Variants in ERMP1 observed in about 807,000 individuals in gnomAD.
The protein encoded by ERMP1 is endoplasmic reticulum metallopeptidase 1.
A neutral mutation model predicts 92.0 loss-of-function variants in ERMP1; 86 were observed. That is an observed-to-expected ratio of 0.93 (90% CI 0.79 to 1.12). The LOEUF is 1.12. Among genes scored for constraint, ERMP1 ranks in the 50% most tolerant of loss-of-function variants. The pLI, the probability that ERMP1 is intolerant of heterozygous loss-of-function variation, is 0.00. For missense variants in ERMP1, 1,342 were observed against 1,116.3 expected, an observed-to-expected ratio of 1.20 and a Z score of -2.88; for synonymous variants, 530 against 412.8, an observed-to-expected ratio of 1.28 and a Z score of -3.44.
intron 4 of ERMP1, among the ~76,000 whole-genome samples, chr9:5,817,163 G>T (rs1586805512): frequency 6.6e-6 from 1 of 152,004 alleles, no homozygotes; most frequent in East Asian, 1.9e-4. Flanking sequence ...CTCCCAAAGT[G>T]CTGGGATTAC....
chr9:5,816,260 G>A (rs1480765326), intron 4 of ERMP1, among the ~76,000 whole-genome samples: 1 of 152,088 alleles, frequency 6.6e-6, no homozygotes, highest in Non-Finnish European at 1.5e-5. Context: ...GGAACAACTG[G>A]AAAAATCTGA....
intron 4 of ERMP1, among the ~76,000 whole-genome samples, chr9:5,817,712 G>A (rs767286070): frequency 6.6e-6 from 1 of 151,804 alleles, no homozygotes; most frequent in Non-Finnish European, 1.5e-5. Flanking sequence ...GTAACGTTCA[G>A]AGGAGGTAGG....
chr9:5,788,993 A>G (rs1332109526), intron 13 of ERMP1, among the ~76,000 whole-genome samples: 1 of 152,214 alleles, frequency 6.6e-6, no homozygotes, highest in Non-Finnish European at 1.5e-5. Context: ...AATGGGAAAA[A>G]GCAAAGTAAA....
chr9:5,854,613 C>T (rs1209556754), intron 6 of ERMP1, among the ~76,000 whole-genome samples: 1 of 152,178 alleles, frequency 6.6e-6, no homozygotes, highest in Non-Finnish European at 1.5e-5. Context: ...CTCACTATAA[C>T]CTTCACCTCC....
chr9:5,801,428 C>T, intron 10 of ERMP1, 100 bp from the exon 11 acceptor site: 1 of 1,166,996 alleles, frequency 8.6e-7, no homozygotes, highest in Non-Finnish European at 1.2e-6. Context: ...ACCTAACAGC[C>T]CCTGAAGAAA....
At chr9:5,856,582 A>T (rs1357753661) in intron 6 of ERMP1, among the ~76,000 whole-genome samples, 2 of 152,264 alleles carry the variant, frequency 1.3e-5, no homozygotes, top group South Asian at 4.2e-4. Context: ...CTTTTAAGAC[A>T]ACCCCTCCCC....
Position 5,798,831 on chromosome 9 carries a change from A to T in ERMP1, c.2245T>A (p.Tyr749Asn). 6.2e-7 allele frequency: 1 copy of T among 1,613,780 alleles called. No homozygotes were observed. The highest frequency in any genetic ancestry group is 8.5e-7 in the Non-Finnish European group (1 of 1,179,720). The change falls in exon 12 of 15, where the codon TAT (tyrosine) becomes AAT (asparagine). Residue 749 changes from tyrosine (Y) to asparagine (N), a missense_variant. Physicochemically the swap from Tyr to Asn is moderately radical, Grantham distance 143. Transcript: ENST00000339450. ...ENAPLCGFPW[Y>N]LPVHFLIRKN... is the part of the protein sequence containing the mutation. ...CTGATCAGAAAGTGCACTGGAAGAT[A>T]CCAAGGAAAACCACAAAGAGGTGCA... is the stretch of plus-strand genomic sequence containing the variant.
intron 13 of ERMP1, among the ~76,000 whole-genome samples, chr9:5,797,552 G>A (rs1828481046): frequency 6.6e-6 from 1 of 151,658 alleles, no homozygotes; most frequent in Non-Finnish European, 1.5e-5. Flanking sequence ...GGAGGCTGAG[G>A]CAGGAGAATC....
Position 5,805,021 on chromosome 9 carries a change from T to G in ERMP1, c.1914+6A>C. On this transcript the variant is annotated splice_donor_region_variant and intron_variant, in intron 10 of 14. Transcript: ENST00000339450. The stretch of plus-strand genomic sequence containing the variant: ...AAGAAAAAGAAAAAAACTTATTTTC[T>G]CTTACAAAATAGGACGAGAGAATCA... The G allele has an allele frequency of 1.3e-6, 2 of 1,587,042 alleles. No individual in the cohort carries two copies. The highest frequency in any genetic ancestry group is 1.7e-6 in the Non-Finnish European group (2 of 1,172,376).
In ERMP1 at chr9:5,831,180, T is replaced by G. The variant is rs890810297; in HGVS notation, c.339-152A>C. The G allele has an allele frequency of 2.3e-5, 14 of 616,030 alleles. No individual in the cohort carries two copies. The African/African-American group carries it at 2.4e-4, about 11-fold the overall frequency. The allele number at this position is 616,030 out of a possible 1,614,324, so 38.2% of individuals were successfully genotyped here. On this transcript the variant is annotated intron_variant, in intron 1 of 14. Transcript: ENST00000339450. ...GCCTTTCATTATTTCAGACACCAAG[T>G]GAACATCACTTATAAAGTTCCATAT...
At chr9:5,817,653 T>G (rs35484290) in intron 4 of ERMP1, among the ~76,000 whole-genome samples, 53,317 of 152,064 alleles carry the variant, frequency 0.35, 10,048 homozygotes, top group East Asian at 0.6. Context: ...GTGTGTTCAT[T>G]TCTCAAGAAT....
upstream of ERMP1, among the ~76,000 whole-genome samples, chr9:5,833,710 C>G (rs1830042430): frequency 6.6e-6 from 1 of 152,116 alleles, no homozygotes; most frequent in Non-Finnish European, 1.5e-5. Context: ...TATCTTTGTT[C>G]CCATTTTATA....
intron 11 of ERMP1, among the ~76,000 whole-genome samples, chr9:5,799,464 C>A (rs926941844): frequency 1.3e-5 from 2 of 152,054 alleles, no homozygotes; most frequent in African/African-American, 4.8e-5. Flanking sequence ...AGGCACCGTG[C>A]TCCATTTGAA....
rs1181843141 is a variant in ERMP1 at position 5,830,955 on chromosome 9, G to A, written c.412C>T (p.His138Tyr). 1.2e-6 allele frequency: 2 copies of A among 1,613,888 alleles called. No homozygotes were observed. The highest frequency in any genetic ancestry group is 1.7e-6 in the Non-Finnish European group (2 of 1,179,884). ...AGTTTAATCTGTTCCAAAAGGTAGT[G>A]CACGGTCAGAATTTCATTTTCTGGA... Reference protein sequence around the residue: ...GSPENEILTVHYLLEQIKLIE... With the variant: ...GSPENEILTVYYLLEQIKLIE... Residue 138 changes from histidine to tyrosine, a missense_variant, in exon 2 of 15, where the codon CAC becomes TAC. Coordinates refer to ENST00000339450, the MANE Select transcript of ERMP1 (RefSeq NM_024896.3).
chr9:5,838,145 T>G (rs1830115680), intron 6 of ERMP1, among the ~76,000 whole-genome samples: 1 of 152,160 alleles, frequency 6.6e-6, no homozygotes, highest in South Asian at 2.1e-4. Flanking sequence ...TATGCACATT[T>G]GGCAAACATT....
chr9:5,798,700 C>A, intron 12 of ERMP1, 106 bp downstream of exon 12: 5 of 670,660 alleles, frequency 7.5e-6, no homozygotes, highest in South Asian at 2.1e-5. Flanking sequence ...GTACAAACAC[C>A]ACTGAACTTG....
rs149221759 is a variant in ERMP1, at chr9:5,789,109, T to C, written c.2387-1516A>G. ...GAAACAGAACTAATATTTAAAACTG[T>C]AATCCAAGAAAGCATTCCAGAAACA... On this transcript the variant is annotated intron_variant, in intron 13 of 14. Transcript: ENST00000339450. Among the ~76,000 whole-genome samples, 10 of 152,224 alleles carry C rather than the reference T, an allele frequency of 6.6e-5. No individual in the cohort carries two copies. The East Asian group carries it at 1.9e-3, about 29-fold the overall frequency.
chr9:5,822,718 AAATGG>A (rs1346591284), intron 4 of ERMP1, among the ~76,000 whole-genome samples: 2 of 152,236 alleles, frequency 1.3e-5, no homozygotes, highest in Non-Finnish European at 2.9e-5. Context: ...CAGGGCAGGG[AAATGG>A]AATGGAACTT....
At chr9:5,827,249 G>C (rs1829761149) in intron 2 of ERMP1, among the ~76,000 whole-genome samples, 1 of 152,196 alleles carries the variant, frequency 6.6e-6, no homozygotes, top group Non-Finnish European at 1.5e-5. Flanking sequence ...TTAGGTGATA[G>C]TCTATTTCAG....
Sources: allele counts gnomAD v4.1 joint callset (sites outside exome capture counted in the v4.1 genomes callset), GRCh38; gene constraint gnomAD v4.1.1; transcripts MANE v1.5; gene names NCBI Gene and HGNC (gene_info 2026-07-23, HGNC 2026-07-21).